Variants in GALNT13 observed in about 807,000 individuals in gnomAD.
The protein encoded by GALNT13 is polypeptide N-acetylgalactosaminyltransferase 13, also known as UDP-GalNAc:polypeptide N-acetylgalactosaminyltransferase 13.
In GALNT13, 28 loss-of-function variants were observed where a neutral mutation model predicts 64.2. That is an observed-to-expected ratio of 0.44 (90% CI 0.32 to 0.60). GALNT13 has a LOEUF of 0.60. Ranked by LOEUF, GALNT13 falls within the 20% of genes least tolerant of loss-of-function variation. The pLI is 0.05. For synonymous variants in GALNT13, 214 were observed against 224.6 expected (o/e 0.95, Z 0.42); for missense variants, 577 against 669.8 (o/e 0.86, Z 1.53).
chr2:153,988,073 TACAC>T (rs70981691), intron 3 of GALNT13, among the ~76,000 whole-genome samples: 90 of 146,114 alleles, frequency 6.2e-4, no homozygotes, highest in Admixed American at 1.5e-3. Context: ...TATATATATA[TACAC>T]ACACACACAC....
chr2:153,438,534 CT>C, the GALNT13 span, among the ~76,000 whole-genome samples: 1 of 152,198 alleles, frequency 6.6e-6, no homozygotes, highest in South Asian at 2.1e-4. Context: ...TCTTTTTATT[CT>C]TTTTTCTCTA....
chr2:153,273,187 T>C, the GALNT13 span, among the ~76,000 whole-genome samples: 1 of 152,254 alleles, frequency 6.6e-6, no homozygotes, highest in African/African-American at 2.4e-5. Flanking sequence ...AGATGATGGG[T>C]TGATGGGTGC....
chr2:153,845,580 A>G, the GALNT13 span, among the ~76,000 whole-genome samples: 1 of 152,218 alleles, frequency 6.6e-6, no homozygotes, highest in African/African-American at 2.4e-5. Context: ...TTTTATTTTA[A>G]CATGAGATTT....
chr2:153,879,320 A>T (rs1686608023), intron 1 of GALNT13, among the ~76,000 whole-genome samples: 1 of 151,898 alleles, frequency 6.6e-6, no homozygotes, highest in South Asian at 2.1e-4. Context: ...AAGGGCAAGG[A>T]TGATGTTAAT....
At chr2:153,359,878 T>C in the GALNT13 span, among the ~76,000 whole-genome samples, 27 of 152,068 alleles carry the variant, frequency 1.8e-4, no homozygotes, top group Non-Finnish European at 2.8e-4. Flanking sequence ...ATGAGTCCAA[T>C]TGAAATACGA....
At chr2:153,660,501 T>C in the GALNT13 span, among the ~76,000 whole-genome samples, 1 of 151,350 alleles carries the variant, frequency 6.6e-6, no homozygotes, top group Non-Finnish European at 1.5e-5. Flanking sequence ...TTTTGGTTGA[T>C]ACAAAAGCTT....
the GALNT13 span, among the ~76,000 whole-genome samples, chr2:153,830,608 T>C: frequency 6.6e-6 from 1 of 152,164 alleles, no homozygotes; most frequent in South Asian, 2.1e-4. Flanking sequence ...ATATGTTCTT[T>C]ATTTTTAACT....
chr2:153,146,337 G>A, the GALNT13 span, among the ~76,000 whole-genome samples: 594 of 151,786 alleles, frequency 3.9e-3, 5 homozygotes, highest in Middle Eastern at 0.024. Context: ...CAGTTTATTT[G>A]CCAAGTTCCT....
chr2:153,453,292 T>C, the GALNT13 span, among the ~76,000 whole-genome samples: 1 of 152,156 alleles, frequency 6.6e-6, no homozygotes. Context: ...CTTAAAGAGC[T>C]TCTGCACACC....
At chr2:153,957,365 A>T (rs1692634825) in intron 3 of GALNT13, among the ~76,000 whole-genome samples, 1 of 152,208 alleles carries the variant, frequency 6.6e-6, no homozygotes, top group African/African-American at 2.4e-5. Flanking sequence ...ACTACCAAAG[A>T]GCGCAACCAG....
At chr2:153,834,572 G>T in the GALNT13 span, among the ~76,000 whole-genome samples, 1 of 152,032 alleles carries the variant, frequency 6.6e-6, no homozygotes, top group Non-Finnish European at 1.5e-5. Context: ...GGATATTTTG[G>T]TAAAAGTTAC....
chr2:153,690,251 T>A, the GALNT13 span, among the ~76,000 whole-genome samples: 1 of 152,188 alleles, frequency 6.6e-6, no homozygotes, highest in East Asian at 1.9e-4. Flanking sequence ...TCTTGTTATT[T>A]GCTACTTATA....
intron 1 of GALNT13, among the ~76,000 whole-genome samples, chr2:153,895,622 T>C (rs889765006): frequency 6.6e-6 from 1 of 152,106 alleles, no homozygotes; most frequent in Non-Finnish European, 1.5e-5. Flanking sequence ...TTGTCATGAC[T>C]ATAACTGGCT....
chr2:153,105,149 C>T, the GALNT13 span, among the ~76,000 whole-genome samples: 1 of 150,532 alleles, frequency 6.6e-6, no homozygotes, highest in African/African-American at 2.4e-5. Flanking sequence ...CCGAATCCAG[C>T]AGCACATCAA....
At chr2:153,835,191 T>A in the GALNT13 span, among the ~76,000 whole-genome samples, 2 of 152,024 alleles carry the variant, frequency 1.3e-5, no homozygotes, top group African/African-American at 2.4e-5. Flanking sequence ...TTTAAATATA[T>A]ATACTTAAAA....
the GALNT13 span, among the ~76,000 whole-genome samples, chr2:153,575,526 AC>A: frequency 6.6e-6 from 1 of 152,080 alleles, no homozygotes; most frequent in Admixed American, 6.5e-5. Flanking sequence ...GAGTCAAAAA[AC>A]TTAGAAGTCT....
intron 9 of GALNT13, among the ~76,000 whole-genome samples, chr2:154,324,667 T>C (rs1694790193): frequency 6.6e-6 from 1 of 151,970 alleles, no homozygotes; most frequent in African/African-American, 2.4e-5. Context: ...GCAGAGAAAA[T>C]AGGGAGAACC....
the GALNT13 span, among the ~76,000 whole-genome samples, chr2:153,266,768 C>T: frequency 6.6e-6 from 1 of 152,168 alleles, no homozygotes; most frequent in Non-Finnish European, 1.5e-5. Context: ...GGTGGGGACA[C>T]AGAGCCAAAG....
chr2:154,076,438 G>A (rs1237794189), intron 3 of GALNT13, among the ~76,000 whole-genome samples: 2 of 151,648 alleles, frequency 1.3e-5, no homozygotes, highest in African/African-American at 4.8e-5. Flanking sequence ...TTTTGTAGAT[G>A]AGAAAACTGA....
Sources: gnomAD v4.1 joint callset for allele counts (sites outside exome capture counted in the v4.1 genomes callset) on GRCh38, gnomAD v4.1.1 for gene constraint, MANE v1.5 for transcripts, NCBI Gene and HGNC (gene_info 2026-07-23, HGNC 2026-07-21) for gene names.